PTPRN2: variants seen among roughly 807,000 people sequenced by gnomAD.
PTPRN2 encodes the protein protein tyrosine phosphatase receptor type N2.
A neutral mutation model predicts 118.8 loss-of-function variants in PTPRN2; 74 were observed. The ratio of observed to expected loss-of-function variants is 0.62; its 90% confidence interval spans 0.52 to 0.76. The LOEUF (loss-of-function observed/expected upper bound fraction) is 0.76, where lower values mean the gene tolerates loss of function less well. Ranked by LOEUF, PTPRN2 falls within the 30% of genes least tolerant of loss-of-function variation. The pLI is 0.00. For synonymous variants in PTPRN2, 641 were observed against 608.0 expected (o/e 1.05, Z -0.80); for missense variants, 1,481 against 1,394.4 (o/e 1.06, Z -0.99).
At chr7:158,071,230 G>A (rs1276535115) in intron 11 of PTPRN2, among the ~76,000 whole-genome samples, 1 of 71,736 alleles carries the variant, frequency 1.4e-5, no homozygotes, top group Non-Finnish European at 2.9e-5. Context: ...GGTGCCCGTG[G>A]TGGTGGAGGT....
At chr7:158,489,404 C>G (rs891773094) in intron 2 of PTPRN2, among the ~76,000 whole-genome samples, 2 of 152,216 alleles carry the variant, frequency 1.3e-5, no homozygotes, top group Admixed American at 1.3e-4. Flanking sequence ...AGGAGATAGC[C>G]CCGCTGCCCT....
intron 2 of PTPRN2, among the ~76,000 whole-genome samples, chr7:158,460,979 T>C (rs1389845610): frequency 6.6e-6 from 1 of 152,168 alleles, no homozygotes; most frequent in Non-Finnish European, 1.5e-5. Flanking sequence ...GGAAAAATCT[T>C]CTAGAGATGC....
At chr7:157,556,470 CTCA>C (rs752135068) in intron 21 of PTPRN2, among the ~76,000 whole-genome samples, 14 of 150,808 alleles carry the variant, frequency 9.3e-5, no homozygotes, top group Non-Finnish European at 1.5e-4. Context: ...CACACCCACA[CTCA>C]TGTCATACAT....
At chr7:157,724,198 C>T (rs542710340) in intron 12 of PTPRN2, among the ~76,000 whole-genome samples, 2 of 152,290 alleles carry the variant, frequency 1.3e-5, no homozygotes, top group Non-Finnish European at 2.9e-5. Flanking sequence ...AGGCTTCCCC[C>T]GTCTGAATTG....
At chr7:157,812,258 G>A (rs945887084) in intron 12 of PTPRN2, among the ~76,000 whole-genome samples, 1 of 152,208 alleles carries the variant, frequency 6.6e-6, no homozygotes, top group Non-Finnish European at 1.5e-5. Flanking sequence ...GGGACCCTTG[G>A]GGCTTGCCGG....
In PTPRN2 at chr7:158,489,809, G is replaced by A. The variant is rs770786370; in HGVS notation, c.113-24C>T. 41 of 1,559,276 alleles carry A rather than the reference G, an allele frequency of 2.6e-5. No individual in the cohort carries two copies. In the East Asian group the frequency reaches 7.2e-4, roughly 27 times the overall value. ...GCCTGCGGGGAAACAGAGAAGAGACGCGGTCAGCTGGAGGGGAGGAGGGGG... is the reference window on the plus strand; with the variant it reads ...GCCTGCGGGGAAACAGAGAAGAGACACGGTCAGCTGGAGGGGAGGAGGGGG... On this transcript the variant is annotated intron_variant, in intron 1 of 22. Transcript: ENST00000389418.
At chr7:157,624,619 G>A (rs549944345) in intron 14 of PTPRN2, among the ~76,000 whole-genome samples, 3 of 152,158 alleles carry the variant, frequency 2.0e-5, no homozygotes, top group Non-Finnish European at 4.4e-5. Flanking sequence ...TAACAGAATG[G>A]TTGCATGGGT....
At chr7:157,910,899 GCTAA>G (rs1352812115) in intron 11 of PTPRN2, among the ~76,000 whole-genome samples, 2 of 152,234 alleles carry the variant, frequency 1.3e-5, no homozygotes, top group African/African-American at 2.4e-5. Context: ...GTTTAATTTT[GCTAA>G]CTGTCAGAAG....
intron 2 of PTPRN2, among the ~76,000 whole-genome samples, chr7:158,410,710 T>C (rs1484160449): frequency 6.6e-6 from 1 of 152,238 alleles, no homozygotes; most frequent in Non-Finnish European, 1.5e-5. Flanking sequence ...GCAGACCTCA[T>C]TATTGAAGGA....
intron 1 of PTPRN2, among the ~76,000 whole-genome samples, chr7:158,508,258 T>C (rs980053440): frequency 6.6e-6 from 1 of 152,154 alleles, no homozygotes; most frequent in African/African-American, 2.4e-5. Flanking sequence ...GAGATGACAC[T>C]GTGGTCATCC....
intron 1 of PTPRN2, among the ~76,000 whole-genome samples, chr7:158,530,121 G>A (rs1453655357): frequency 6.6e-6 from 1 of 152,138 alleles, no homozygotes; most frequent in East Asian, 1.9e-4. Context: ...CCAAAAATAA[G>A]TAGAATTACG....
chr7:158,174,656 T>G (rs978459358), intron 5 of PTPRN2, among the ~76,000 whole-genome samples: 3 of 152,242 alleles, frequency 2.0e-5, no homozygotes, highest in Non-Finnish European at 4.4e-5. Context: ...TCAAACATCT[T>G]GCAGACTGAA....
chr7:158,554,407 G>A (rs1314381865), intron 1 of PTPRN2, among the ~76,000 whole-genome samples: 4 of 152,168 alleles, frequency 2.6e-5, no homozygotes, highest in Admixed American at 2.6e-4. Context: ...TGGTAAAGAG[G>A]GTAATTGCTC....
At chr7:157,571,544 T>C (rs765499309) in intron 19 of PTPRN2, 51 bp from the exon 20 acceptor site, 2 of 1,404,398 alleles carry the variant, frequency 1.4e-6, no homozygotes, top group Non-Finnish European at 2.0e-6. Context: ...AGACTTTGCG[T>C]TATCCAAAAC....
intron 14 of PTPRN2, among the ~76,000 whole-genome samples, chr7:157,651,173 CT>C (rs1359225809): frequency 2.0e-5 from 3 of 152,258 alleles, no homozygotes; most frequent in Non-Finnish European, 4.4e-5. Context: ...AATTCATGAA[CT>C]TTCCTGTTTT....
intron 11 of PTPRN2, among the ~76,000 whole-genome samples, chr7:158,071,267 G>A (rs1017689861): frequency 1.8e-4 from 8 of 44,038 alleles, no homozygotes; most frequent in Non-Finnish European, 2.9e-4. Flanking sequence ...TGCCCGTGGT[G>A]GTGGAGGTGC....
At chr7:157,637,609 G>T (rs1179817772) in intron 14 of PTPRN2, among the ~76,000 whole-genome samples, 1 of 152,152 alleles carries the variant, frequency 6.6e-6, no homozygotes, top group Non-Finnish European at 1.5e-5. Context: ...AAGCCCATAT[G>T]GCCAAAACGG....
intron 21 of PTPRN2, among the ~76,000 whole-genome samples, chr7:157,561,565 T>C (rs1021917500): frequency 2.0e-5 from 3 of 152,260 alleles, no homozygotes; most frequent in Non-Finnish European, 4.4e-5. Context: ...GGGTTCTGCA[T>C]CTGACTCTGG....
At chr7:157,667,780 C>T (rs1163767699) in intron 13 of PTPRN2, among the ~76,000 whole-genome samples, 1 of 152,254 alleles carries the variant, frequency 6.6e-6, no homozygotes, top group East Asian at 1.9e-4. Flanking sequence ...GAACGGTAAA[C>T]CCAGCGCGTC....
Sources: allele counts gnomAD v4.1 joint callset (sites outside exome capture counted in the v4.1 genomes callset), GRCh38; gene constraint gnomAD v4.1.1; transcripts MANE v1.5; gene names NCBI Gene and HGNC (gene_info 2026-07-23, HGNC 2026-07-21).